The following POPDC1 variants were observed in gnomAD, a reference collection of about 807,000 sequenced individuals.
The protein encoded by POPDC1 is popeye domain-containing protein 1.
At chr6:105,133,099 T>A in the POPDC1 span, among the ~76,000 whole-genome samples, 2 of 152,206 alleles carry the variant, frequency 1.3e-5, no homozygotes, top group Non-Finnish European at 2.9e-5. Flanking sequence ...CTCTTACACA[T>A]GAATGAATGT....
chr6:105,132,812 T>C, the POPDC1 span, among the ~76,000 whole-genome samples: 19 of 152,370 alleles, frequency 1.2e-4, no homozygotes, highest in South Asian at 2.1e-4. Flanking sequence ...TAATTGTTTT[T>C]GTTCCCAATG....
At chr6:105,136,952 G>C in the POPDC1 span, 2 of 152,448 alleles carry the variant, frequency 1.3e-5, no homozygotes, top group Admixed American at 1.3e-4. Flanking sequence ...GGCTGCAGCT[G>C]CGCCTCCCAT....
chr6:105,133,180 C>CA, the POPDC1 span, among the ~76,000 whole-genome samples: 2 of 152,148 alleles, frequency 1.3e-5, no homozygotes, highest in African/African-American at 2.4e-5. Flanking sequence ...AGAGATATGG[C>CA]ATGTGAAGGC....
the POPDC1 span, among the ~76,000 whole-genome samples, chr6:105,114,718 T>G: frequency 3.9e-5 from 6 of 152,346 alleles, no homozygotes; most frequent in African/African-American, 1.4e-4. Context: ...CTTACTAATT[T>G]TCAACATCTG....
chr6:105,114,970 G>A, the POPDC1 span, among the ~76,000 whole-genome samples: 1 of 152,186 alleles, frequency 6.6e-6, no homozygotes, highest in African/African-American at 2.4e-5. Context: ...ACATTTCTGG[G>A]TCTAGGCTTT....
At chr6:105,105,233 C>A in the POPDC1 span, among the ~76,000 whole-genome samples, 2 of 152,158 alleles carry the variant, frequency 1.3e-5, no homozygotes, top group African/African-American at 4.8e-5. Context: ...TCTTTTTCCA[C>A]CTTGGTAGAC....
At chr6:105,128,589 A>G in the POPDC1 span, among the ~76,000 whole-genome samples, 1 of 152,236 alleles carries the variant, frequency 6.6e-6, no homozygotes, top group Non-Finnish European at 1.5e-5. Flanking sequence ...AAAACAACAC[A>G]GACTGACTCA....
the POPDC1 span, among the ~76,000 whole-genome samples, chr6:105,112,480 AT>A: frequency 0.12 from 3,831 of 33,026 alleles, 154 homozygotes; most frequent in African/African-American, 0.17. Context: ...ACTGCTTGTA[AT>A]TCTGAAGTAA....
chr6:105,130,819 C>A, the POPDC1 span, among the ~76,000 whole-genome samples: 1 of 152,076 alleles, frequency 6.6e-6, no homozygotes, highest in Admixed American at 6.6e-5. Flanking sequence ...TATTATGGGA[C>A]CACTTTCGTT....
chr6:105,105,000 A>G, the POPDC1 span, among the ~76,000 whole-genome samples: 3 of 152,182 alleles, frequency 2.0e-5, no homozygotes, highest in African/African-American at 7.2e-5. Flanking sequence ...GACATCCGTG[A>G]AAGAAAACAG....
chr6:105,135,633 G>A, the POPDC1 span, among the ~76,000 whole-genome samples: 1 of 152,040 alleles, frequency 6.6e-6, no homozygotes, highest in Non-Finnish European at 1.5e-5. Flanking sequence ...CTACTATTAT[G>A]ACCCAAGAAC....
At chr6:105,113,909 G>T in the POPDC1 span, among the ~76,000 whole-genome samples, 1 of 150,200 alleles carries the variant, frequency 6.7e-6, no homozygotes, top group South Asian at 2.1e-4. Context: ...TCCAGTCTGG[G>T]TGACAAAGTG....
At chr6:105,110,057 GC>G in the POPDC1 span, among the ~76,000 whole-genome samples, 7 of 152,258 alleles carry the variant, frequency 4.6e-5, no homozygotes, top group African/African-American at 1.7e-4. Context: ...GAGGACAGAG[GC>G]CCCCTCCTGG....
the POPDC1 span, among the ~76,000 whole-genome samples, chr6:105,103,814 C>T: frequency 6.6e-6 from 1 of 152,108 alleles, no homozygotes; most frequent in African/African-American, 2.4e-5. Context: ...CTGACCCTCC[C>T]AACTCTCTCA....
At chr6:105,129,746 A>AT in the POPDC1 span, among the ~76,000 whole-genome samples, 1 of 152,200 alleles carries the variant, frequency 6.6e-6, no homozygotes, top group Non-Finnish European at 1.5e-5. Context: ...GATAGTGGGG[A>AT]TAAGTTGGAC....
At chr6:105,115,869 T>G in the POPDC1 span, 2 of 1,600,758 alleles carry the variant, frequency 1.2e-6, no homozygotes. Flanking sequence ...TTATGGGAGT[T>G]GAATCATACA....
At chr6:105,113,861 G>C in the POPDC1 span, among the ~76,000 whole-genome samples, 1 of 149,764 alleles carries the variant, frequency 6.7e-6, no homozygotes, top group East Asian at 2.0e-4. Flanking sequence ...GAGCCCAGGA[G>C]TTTAAGGCTG....
chr6:105,123,316 C>T, the POPDC1 span, among the ~76,000 whole-genome samples: 4 of 152,126 alleles, frequency 2.6e-5, no homozygotes, highest in Non-Finnish European at 2.9e-5. Context: ...CTTCCAATAA[C>T]AAGGTGAATG....
At chr6:105,132,083 A>C in the POPDC1 span, among the ~76,000 whole-genome samples, 47 of 151,054 alleles carry the variant, frequency 3.1e-4, no homozygotes, top group East Asian at 8.4e-3. Flanking sequence ...CTCCTGCCTC[A>C]GCCTCCCGAG....
Sources: gnomAD v4.1 joint callset for allele counts (sites outside exome capture counted in the v4.1 genomes callset) on GRCh38, gnomAD v4.1.1 for gene constraint, MANE v1.5 for transcripts, NCBI Gene and HGNC (gene_info 2026-07-23, HGNC 2026-07-21) for gene names.